The following ZNF841 variants were observed in gnomAD, a reference collection of about 807,000 sequenced individuals.
ZNF841 encodes the protein TCONS_00006091.
ZNF841 carries 11 observed loss-of-function variants against 13.0 expected under a neutral mutation model. The ratio of observed to expected loss-of-function variants is 0.85; its 90% CI spans 0.53 to 1.40. The LOEUF is 1.40. Among genes scored for constraint, ZNF841 ranks in the 40% most tolerant of loss-of-function variants. The pLI is 0.00. For synonymous variants in ZNF841, 369 were observed against 381.6 expected, an observed-to-expected ratio of 0.97 and a Z score of 0.38; for missense variants, 1,068 against 1,139.5, an observed-to-expected ratio of 0.94 and a Z score of 0.90.
At position 52,084,796 on chromosome 19, in the gene ZNF841, A is replaced by G; in HGVS notation, c.6T>C (p.Ala2=). M[A]LPQGSLTFRD... Reference sequence around the variant, plus strand: ...AAGATTATCACTTTACCTGAGGAAGAGCCATCCCTGGCTCCTTTTCTTTCT... The same window carrying G: ...AAGATTATCACTTTACCTGAGGAAGGGCCATCCCTGGCTCCTTTTCTTTCT... The change falls in exon 4 of 7, where the codon GCT becomes GCC. Residue 2 remains alanine, a synonymous_variant. Transcript: ENST00000594440. The G allele has an allele frequency of 6.2e-7, 1 of 1,613,740 alleles. No individual in the cohort carries two copies. The highest frequency in any genetic ancestry group is 8.5e-7 in the Non-Finnish European group (1 of 1,179,844).
intron 3 of ZNF841, among the ~76,000 whole-genome samples, chr19:52,087,248 C>T (rs2088304712): frequency 6.6e-6 from 1 of 152,176 alleles, no homozygotes; most frequent in Non-Finnish European, 1.5e-5. Flanking sequence ...ATGTGCAGGA[C>T]GTGCAGGCTG....
intron 4 of ZNF841, among the ~76,000 whole-genome samples, chr19:52,079,357 C>T (rs936121570): frequency 7.8e-6 from 1 of 128,580 alleles, no homozygotes; most frequent in African/African-American, 3.0e-5. Flanking sequence ...AAGATAGAAA[C>T]AATATGTATT....
intron 4 of ZNF841, 81 bp from the exon 5 acceptor site, chr19:52,077,165 A>G: frequency 1.4e-6 from 2 of 1,436,392 alleles, no homozygotes; most frequent in Non-Finnish European, 1.9e-6. Context: ...GAGAACTGTC[A>G]CATCAATTTG....
In ZNF841 at chr19:52,078,482, A is replaced by G. The variant is rs970462837; in HGVS notation, c.16-1398T>C. 1.1e-4 allele frequency among the ~76,000 whole-genome samples: 17 copies of G among 151,900 alleles called. No homozygotes were observed. The East Asian group carries it at 1.2e-3, about 10-fold the overall frequency. On this transcript the variant is annotated intron_variant, in intron 4 of 6. Coordinates refer to ENST00000594440, the MANE Select transcript of ZNF841 (RefSeq NM_001136499.2). ...TGGGAGGCCGAGGTGGGCGGATCACAAGGTCAGGAGATCGAGACCATCCTG... is the reference window on the plus strand; with the variant it reads ...TGGGAGGCCGAGGTGGGCGGATCACGAGGTCAGGAGATCGAGACCATCCTG...
intron 5 of ZNF841, 48 bp from the exon 6 acceptor site, chr19:52,076,220 C>A: frequency 6.5e-7 from 1 of 1,538,550 alleles, no homozygotes; most frequent in Non-Finnish European, 8.8e-7. Context: ...TTCCAGAACC[C>A]AGCCTAATGT....
At chr19:52,059,338 A>T in the ZNF841 span, among the ~76,000 whole-genome samples, 1 of 124,814 alleles carries the variant, frequency 8.0e-6, no homozygotes, top group Non-Finnish European at 1.6e-5. Flanking sequence ...CGACAGAGCG[A>T]GACTCTGTCT....
At chr19:52,090,802 C>T (rs975513930) in intron 2 of ZNF841, among the ~76,000 whole-genome samples, 2 of 152,112 alleles carry the variant, frequency 1.3e-5, no homozygotes, top group African/African-American at 4.8e-5. Context: ...TATGATTAAA[C>T]AGCAAACTGT....
chr19:52,070,668 TC>T (rs1177850437), intron 6 of ZNF841, among the ~76,000 whole-genome samples: 1 of 152,190 alleles, frequency 6.6e-6, no homozygotes, highest in Non-Finnish European at 1.5e-5. Flanking sequence ...GTTGGTCACG[TC>T]CCACAGGCTT....
intron 1 of ZNF841, among the ~76,000 whole-genome samples, chr19:52,094,817 A>C (rs1457332199): frequency 6.7e-6 from 1 of 150,072 alleles, no homozygotes; most frequent in Non-Finnish European, 1.5e-5. Flanking sequence ...TTGCCGCCCC[A>C]CTCTATTTTG....
intron 6 of ZNF841, among the ~76,000 whole-genome samples, chr19:52,074,547 C>T (rs779406757): frequency 4.1e-5 from 6 of 147,004 alleles, no homozygotes; most frequent in African/African-American, 1.5e-4. Context: ...GACAAAGTCT[C>T]GCTCTTGTTC....
At position 52,066,330 on chromosome 19, in the gene ZNF841, A is replaced by G. The variant is rs1193753813; in HGVS notation, c.1552T>C (p.Cys518Arg). The G allele has an allele frequency of 6.2e-7, 1 of 1,614,032 alleles. No individual in the cohort carries two copies. Among genetic ancestry groups the G allele is most frequent in the East Asian group, 2.2e-5 (1 of 44,880 alleles). The change falls in exon 7 of 7, where the codon TGT becomes CGT. Residue 518 changes from cysteine (C) to arginine (R), a missense_variant. Cys to Arg is a radical substitution (Grantham distance 180). Coordinates refer to ENST00000594440, the MANE Select transcript of ZNF841 (RefSeq NM_001136499.2). ...GAGCCCCAATTAAAGGCTTTGCCACATTCATTACATTTGTAAGGTTTCTCT... is the reference window on the plus strand; with the variant it reads ...GAGCCCCAATTAAAGGCTTTGCCACGTTCATTACATTTGTAAGGTTTCTCT... ...TGEKPYKCNECGKAFNWGSLL... is the reference protein window; with the variant it reads ...TGEKPYKCNERGKAFNWGSLL...
intron 4 of ZNF841, among the ~76,000 whole-genome samples, chr19:52,080,358 C>T (rs543379169): frequency 6.6e-6 from 1 of 152,282 alleles, no homozygotes; most frequent in Admixed American, 6.5e-5. Flanking sequence ...ACACCTCAGG[C>T]TGACATAAAG....
rs1317848450 is a variant in ZNF841, at chr19:52,066,290, T to C, written c.1592A>G (p.His531Arg). The change falls in exon 7 of 7, where the codon CAT becomes CGT. Residue 531 changes from histidine to arginine, a missense_variant. Coordinates refer to ENST00000594440, the MANE Select transcript of ZNF841 (RefSeq NM_001136499.2). ...AFNWGSLLTV[H>R]QRIHTGEKPY... Reference sequence around the variant, plus strand: ...TTTCTCTCCGGTATGAATTCTCTGATGTACAGTTAGTAATGAGCCCCAATT... The same window carrying C: ...TTTCTCTCCGGTATGAATTCTCTGACGTACAGTTAGTAATGAGCCCCAATT... The C allele has an allele frequency of 1.2e-6, 2 of 1,613,994 alleles. No individual in the cohort carries two copies. Among genetic ancestry groups the C allele is most frequent in the Middle Eastern group, 1.6e-4 (1 of 6,062 alleles).
chr19:52,078,935 C>T (rs557260585), intron 4 of ZNF841, among the ~76,000 whole-genome samples: 18 of 151,960 alleles, frequency 1.2e-4, no homozygotes, highest in Admixed American at 2.6e-4. Flanking sequence ...TGAAATAAGA[C>T]GCTATCTCTC....
intron 2 of ZNF841, among the ~76,000 whole-genome samples, chr19:52,089,499 CAGCCGGACATGGTGA>C: frequency 6.6e-6 from 1 of 151,840 alleles, no homozygotes; most frequent in African/African-American, 2.4e-5. Flanking sequence ...CAAAAAAAAA[CAGCCGGACATGGTGA>C]CACACGCTTG....
At chr19:52,080,272 C>T (rs2088054725) in intron 4 of ZNF841, among the ~76,000 whole-genome samples, 1 of 152,164 alleles carries the variant, frequency 6.6e-6, no homozygotes, top group Non-Finnish European at 1.5e-5. Flanking sequence ...CCAGTCACCA[C>T]AGTGAAATGA....
chr19:52,092,852 G>A (rs529314163), intron 2 of ZNF841, among the ~76,000 whole-genome samples: 14 of 152,320 alleles, frequency 9.2e-5, no homozygotes, highest in East Asian at 5.8e-4. Context: ...TGGGTGTGGC[G>A]GCTCACGCCT....
chr19:52,095,468 C>G (rs2123414093), intron 1 of ZNF841, 107 bp downstream of exon 1: 1 of 152,364 alleles, frequency 6.6e-6, no homozygotes, highest in Middle Eastern at 3.4e-3. Flanking sequence ...TAAGCGGGAA[C>G]ACTACCTGAA....
chr19:52,072,876 T>A (rs974350537), intron 6 of ZNF841, among the ~76,000 whole-genome samples: 2 of 152,054 alleles, frequency 1.3e-5, no homozygotes, highest in African/African-American at 2.4e-5. Context: ...TATGTCAAAT[T>A]AGAAATCACA....
Sources: allele counts gnomAD v4.1 joint callset (sites outside exome capture counted in the v4.1 genomes callset), GRCh38; gene constraint gnomAD v4.1.1; transcripts MANE v1.5; gene names NCBI Gene and HGNC (gene_info 2026-07-23, HGNC 2026-07-21).